Variants in DNM2 observed in about 807,000 individuals in gnomAD.
The protein encoded by DNM2 is dynamin 2, also known as dynamin-2.
DNM2 carries 15 observed loss-of-function variants against 99.0 expected under a neutral mutation model. The observed-to-expected ratio is 0.15, with a 90% CI of 0.10 to 0.23. DNM2 has a LOEUF of 0.23. Ranked by LOEUF, DNM2 falls within the 10% of genes least tolerant of loss-of-function variation. The probability of loss-of-function intolerance (pLI) is 1.00; values close to 1 mark genes in which losing one functional copy is unlikely to be tolerated. For missense variants in DNM2, 742 were observed against 1,189.4 expected (o/e 0.62, Z 5.53); for synonymous variants, 525 against 481.2 (o/e 1.09, Z -1.19).
At position 10,793,862 on chromosome 19, in the gene DNM2, C is replaced by G. The variant is rs772959277; in HGVS notation, c.1128+7C>G. ...CCCATTTGAGCTGGTGAAGGTAGTG[C>G]CCCCCGGGGCTGGGCCCTCCCGTCT... On this transcript the variant is annotated splice_region_variant and intron_variant, in intron 8 of 20. Transcript: ENST00000389253. The G allele has an allele frequency of 4.3e-6, 7 of 1,613,882 alleles. No individual in the cohort carries two copies. The highest frequency in any genetic ancestry group is 1.7e-5 in the Admixed American group (1 of 59,982).
intron 1 of DNM2, among the ~76,000 whole-genome samples, chr19:10,725,445 CAAA>C (rs35718224): frequency 3.6e-5 from 3 of 83,966 alleles, no homozygotes; most frequent in Non-Finnish European, 2.4e-5. Context: ...GACTCCATCT[CAAA>C]AAAAAAAAAA....
rs1289287266 is a variant in DNM2 at position 10,812,518 on chromosome 19, G to T, written c.1671+141G>T. On this transcript the variant is annotated intron_variant, in intron 15 of 20. Transcript: ENST00000389253. The surrounding 1 kb of genome is among the most constrained non-coding windows in gnomAD (Gnocchi z 4.0). The stretch of plus-strand genomic sequence containing the variant: ...TTAGGACTGTAACTCGCCGGGCACG[G>T]TGGCTCCCGCCTGTAATCCCAGCAC... The T allele has an allele frequency of 1.6e-6, 1 of 643,756 alleles. No homozygotes were observed. The highest frequency in any genetic ancestry group is 2.7e-6 in the Non-Finnish European group (1 of 376,738). The allele number at this position is 643,756 out of a possible 1,614,324, so 39.9% of individuals were successfully genotyped here.
At chr19:10,744,017 ACGTGGTAGCATACGCC>A (rs2069866905) in intron 1 of DNM2, among the ~76,000 whole-genome samples, 1 of 147,708 alleles carries the variant, frequency 6.8e-6, no homozygotes, top group Non-Finnish European at 1.5e-5. Context: ...AATTAGCCAG[ACGTGGTAGCATACGCC>A]CGTAGTCCCA....
intron 12 of DNM2, among the ~76,000 whole-genome samples, chr19:10,804,628 T>C (rs12459156): frequency 0.063 from 9,592 of 152,178 alleles, 647 homozygotes; most frequent in East Asian, 0.36. Flanking sequence ...GTCAAGGCTG[T>C]GCTGAGCCAT....
intron 10 of DNM2, 83 bp from the exon 11 acceptor site, chr19:10,798,403 C>A: frequency 9.1e-7 from 1 of 1,094,520 alleles, no homozygotes; most frequent in East Asian, 2.5e-5. Flanking sequence ...CCACCCCCCT[C>A]CGCATTTTCT....
At chr19:10,785,788 A>G (rs2071539256) in intron 6 of DNM2, among the ~76,000 whole-genome samples, 1 of 152,068 alleles carries the variant, frequency 6.6e-6, no homozygotes, top group Non-Finnish European at 1.5e-5. Context: ...TTGCAAGTAT[A>G]GGCTGATTTT....
rs1032674642 is a variant in DNM2, at chr19:10,829,417, G to A, written c.2291+149G>A. 4.8e-5 allele frequency: 50 copies of A among 1,051,124 alleles called. No individual in the cohort carries two copies. The Admixed American group carries it at 9.6e-4, about 20-fold the overall frequency. 65.1% of individuals were successfully genotyped at this position (1,051,124 alleles called of 1,614,324 possible). A position where few individuals can be genotyped will look rare whatever the true frequency, so the allele number is the denominator to read the frequency against. On this transcript the variant is annotated intron_variant, in intron 19 of 20. Transcript: ENST00000389253. ...ACTGTGGGAGCTGCTGCCCTGCTGA[G>A]GCCGGAGGAGGGAGAGAAGGGGTAT...
intron 2 of DNM2, among the ~76,000 whole-genome samples, chr19:10,771,296 A>AT (rs1238128142): frequency 6.6e-6 from 1 of 152,116 alleles, no homozygotes; most frequent in Non-Finnish European, 1.5e-5. Flanking sequence ...TCGGGACTGG[A>AT]TTTCTCTTGT....
chr19:10,831,668 C>G lies in DNM2; in HGVS notation c.*621C>G. ...TGGCCCGGGCCGGCCTTGCCCTATT[C>G]CTCTCCTCCTCCTCCTCCTGGGTCC... On this transcript the variant is annotated 3_prime_UTR_variant, in exon 21 of 21. Coordinates refer to ENST00000389253, the MANE Select transcript of DNM2 (RefSeq NM_001005361.3). This position sits in a 1 kb window ranked among gnomAD's most constrained non-coding sequence, Gnocchi z 4.3. The G allele has an allele frequency of 1.0e-6, 1 of 986,288 alleles. No individual in the cohort carries two copies. The highest frequency in any genetic ancestry group is 1.2e-6 in the Non-Finnish European group (1 of 830,314). The allele number at this position is 986,288 out of a possible 1,614,324, so 61.1% of individuals were successfully genotyped here.
chr19:10,813,981 G>A (rs922880823), intron 15 of DNM2, among the ~76,000 whole-genome samples: 1 of 152,096 alleles, frequency 6.6e-6, no homozygotes, highest in African/African-American at 2.4e-5. Flanking sequence ...TGGCCAAACG[G>A]TGAAGCCCCT....
chr19:10,756,985 G>T lies in DNM2; in HGVS notation c.162-2753G>T, dbSNP rs78636960. Among the ~76,000 whole-genome samples the T allele has an allele frequency of 7.7e-3, 1,168 of 152,240 alleles. 13 individuals carry two copies. The highest frequency in any genetic ancestry group is 0.027 in the African/African-American group (1,115 of 41,524). On this transcript the variant is annotated intron_variant, in intron 1 of 20. Transcript: ENST00000389253. ...GAGGGGGGTTTAAAAGCTTACATTT[G>T]TTAATAATCTGGCTAAAGCTTAACA...
intron 1 of DNM2, among the ~76,000 whole-genome samples, chr19:10,744,674 G>T (rs1337292494): frequency 6.6e-6 from 1 of 152,126 alleles, no homozygotes; most frequent in Non-Finnish European, 1.5e-5. Flanking sequence ...CAGACACAGT[G>T]AGCGTTCACT....
chr19:10,739,521 T>C (rs1179311234), intron 1 of DNM2, among the ~76,000 whole-genome samples: 1 of 152,140 alleles, frequency 6.6e-6, no homozygotes, highest in Non-Finnish European at 1.5e-5. Context: ...ATATGGCCTT[T>C]TGTGTGTGGC....
Position 10,772,706 on chromosome 19 carries a change from T to C in DNM2, c.385+78T>C. On this transcript the variant is annotated intron_variant, in intron 3 of 20. Coordinates refer to ENST00000389253, the MANE Select transcript of DNM2 (RefSeq NM_001005361.3). This position sits in a 1 kb window ranked among gnomAD's most constrained non-coding sequence, Gnocchi z 4.9. ...CAGTGCTATGGGTGAGCCTGTGTAC[T>C]TCCACTCATGGGTATCATGTGCCCA... is the stretch of plus-strand genomic sequence containing the variant. The C allele has an allele frequency of 3.8e-6, 6 of 1,596,102 alleles. No individual in the cohort carries two copies. The highest frequency in any genetic ancestry group is 4.3e-6 in the Non-Finnish European group (5 of 1,169,956).
At chr19:10,722,110 G>A (rs78420328) in intron 1 of DNM2, among the ~76,000 whole-genome samples, 6 of 152,228 alleles carry the variant, frequency 3.9e-5, no homozygotes, top group Non-Finnish European at 5.9e-5. Flanking sequence ...TGTCTTATAC[G>A]CATGGTGGCT....
intron 1 of DNM2, among the ~76,000 whole-genome samples, chr19:10,724,102 G>A (rs1484662340): frequency 6.7e-6 from 1 of 149,578 alleles, no homozygotes; most frequent in Non-Finnish European, 1.5e-5. Flanking sequence ...AAAAAAAGGC[G>A]ATAAGTATGA....
intron 1 of DNM2, among the ~76,000 whole-genome samples, chr19:10,733,780 G>A (rs946097901): frequency 6.6e-6 from 1 of 151,740 alleles, no homozygotes; most frequent in South Asian, 2.1e-4. Flanking sequence ...GCAGAGGCAG[G>A]TGGATCACCT....
intron 2 of DNM2, among the ~76,000 whole-genome samples, chr19:10,767,089 A>AC (rs1372172983): frequency 3.3e-5 from 5 of 152,040 alleles, no homozygotes; most frequent in African/African-American, 1.2e-4. Context: ...GATGGCAGGG[A>AC]CCGGGACAGG....
rs1295162752 is a variant in DNM2 at position 10,818,237 on chromosome 19, G to A, written c.1672-1743G>A. Reference sequence around the variant, plus strand: ...CTCTCCTATGCTCTGCTCCCTCCATGGCCACCGGGCCCCTCTCCTATGCTC... The same window carrying A: ...CTCTCCTATGCTCTGCTCCCTCCATAGCCACCGGGCCCCTCTCCTATGCTC... On this transcript the variant is annotated intron_variant, in intron 15 of 20. Transcript: ENST00000389253. The surrounding 1 kb of genome is among the most constrained non-coding windows in gnomAD (Gnocchi z 4.3). 6.6e-6 allele frequency among the ~76,000 whole-genome samples: 1 copy of A among 150,756 alleles called. No individual in the cohort carries two copies. The highest frequency in any genetic ancestry group is 2.4e-5 in the African/African-American group (1 of 41,034).
Sources: allele counts gnomAD v4.1 joint callset (sites outside exome capture counted in the v4.1 genomes callset), GRCh38; gene constraint gnomAD v4.1.1; non-coding constraint Gnocchi (gnomAD v3.1); transcripts MANE v1.5; gene names NCBI Gene and HGNC (gene_info 2026-07-23, HGNC 2026-07-21).